The following CFAP20DC variants were observed in gnomAD, a reference collection of about 807,000 sequenced individuals.
CFAP20DC encodes the protein CFAP20 domain containing.
Under a neutral mutation model 101.7 loss-of-function variants are expected in CFAP20DC, and 84 were observed. The observed-to-expected ratio is 0.83, with a 90% CI of 0.69 to 0.99. The LOEUF (loss-of-function observed/expected upper bound fraction) is 0.99, where lower values mean the gene tolerates loss of function less well. CFAP20DC is among the 50% of genes least tolerant of loss of function. CFAP20DC has a pLI of 0.00. For missense variants in CFAP20DC, 1,007 were observed against 970.3 expected (o/e 1.04, Z -0.50); for synonymous variants, 359 against 351.2 (o/e 1.02, Z -0.25).
intron 5 of CFAP20DC, among the ~76,000 whole-genome samples, chr3:58,928,161 A>T (rs571691030): frequency 2.6e-5 from 4 of 152,314 alleles, no homozygotes; most frequent in African/African-American, 9.6e-5. Flanking sequence ...ACTGGAGATG[A>T]TACACTTGTA....
chr3:58,969,908 AGG>A (rs1290079634), intron 4 of CFAP20DC, among the ~76,000 whole-genome samples: 1 of 152,180 alleles, frequency 6.6e-6, no homozygotes, highest in Non-Finnish European at 1.5e-5. Context: ...GGTACTTTTC[AGG>A]GTGATGAAAA....
chr3:58,832,676 G>A (rs2076479773), intron 13 of CFAP20DC, among the ~76,000 whole-genome samples: 1 of 152,124 alleles, frequency 6.6e-6, no homozygotes, highest in African/African-American at 2.4e-5. Context: ...AACCAAGGTG[G>A]ATTTACTGTA....
intron 6 of CFAP20DC, among the ~76,000 whole-genome samples, chr3:58,891,362 C>A (rs2082236453): frequency 6.6e-6 from 1 of 151,206 alleles, no homozygotes; most frequent in Non-Finnish European, 1.5e-5. Context: ...GAGATGGCAG[C>A]AGTACAGTCC....
chr3:58,956,219 G>C (rs1181518282), intron 4 of CFAP20DC, among the ~76,000 whole-genome samples: 1 of 151,822 alleles, frequency 6.6e-6, no homozygotes, highest in African/African-American at 2.4e-5. Flanking sequence ...AGAGCACCAA[G>C]CATGTTCTTG....
intron 4 of CFAP20DC, among the ~76,000 whole-genome samples, chr3:58,942,922 A>G (rs1315974627): frequency 1.3e-5 from 2 of 152,212 alleles, no homozygotes; most frequent in African/African-American, 2.4e-5. Context: ...GGCTCAAGTA[A>G]GCAGTCTTCC....
chr3:58,900,458 A>G (rs2083051761), intron 6 of CFAP20DC, among the ~76,000 whole-genome samples: 1 of 152,220 alleles, frequency 6.6e-6, no homozygotes, highest in Admixed American at 6.5e-5. Flanking sequence ...GATGGCAAAT[A>G]ACAAATCAAT....
At chr3:59,036,957 G>C (rs1363306245) in intron 4 of CFAP20DC, among the ~76,000 whole-genome samples, 1 of 152,130 alleles carries the variant, frequency 6.6e-6, no homozygotes, top group African/African-American at 2.4e-5. Context: ...GAACAGAACA[G>C]AGGCCTCAGA....
At chr3:58,911,966 C>A (rs1328088513) in intron 6 of CFAP20DC, among the ~76,000 whole-genome samples, 1 of 152,098 alleles carries the variant, frequency 6.6e-6, no homozygotes, top group Non-Finnish European at 1.5e-5. Flanking sequence ...ATTCTTGAGC[C>A]TCTCTGAAAC....
intron 6 of CFAP20DC, among the ~76,000 whole-genome samples, chr3:58,908,508 C>T (rs558632179): frequency 2.6e-5 from 4 of 152,224 alleles, no homozygotes; most frequent in Middle Eastern, 3.4e-3. Context: ...CACCAAATGC[C>T]GGTGAGAATG....
chr3:59,013,185 A>G (rs1365156222), intron 4 of CFAP20DC, among the ~76,000 whole-genome samples: 1 of 152,194 alleles, frequency 6.6e-6, no homozygotes, highest in Non-Finnish European at 1.5e-5. Flanking sequence ...GACCACGGCT[A>G]GCTACAAGGG....
chr3:59,023,765 T>TA (rs1161080398), intron 4 of CFAP20DC, among the ~76,000 whole-genome samples: 1 of 152,080 alleles, frequency 6.6e-6, no homozygotes, highest in Non-Finnish European at 1.5e-5. Flanking sequence ...AAACAAATGT[T>TA]AGAGTACCTC....
chr3:58,763,705 G>A (rs2069926343), intron 15 of CFAP20DC, among the ~76,000 whole-genome samples: 1 of 152,194 alleles, frequency 6.6e-6, no homozygotes, highest in East Asian at 1.9e-4. Context: ...GTGATGTACA[G>A]ATGAGGTTTT....
rs373259680 is a variant in CFAP20DC, at chr3:58,760,789, T to C, written c.2238-6926A>G. Among the ~76,000 whole-genome samples the C allele has an allele frequency of 3.3e-5, 5 of 152,240 alleles. No individual in the cohort carries two copies. The East Asian group carries it at 5.8e-4, about 18-fold the overall frequency. ...AAGGACTTTTCTGCATCTATTGAGATAATCATGTGGTTTTTGTCATTGGTT... is the reference window on the plus strand; with the variant it reads ...AAGGACTTTTCTGCATCTATTGAGACAATCATGTGGTTTTTGTCATTGGTT... On this transcript the variant is annotated intron_variant, in intron 15 of 16. Coordinates refer to ENST00000482387, the MANE Select transcript of CFAP20DC (RefSeq NM_001394063.1).
chr3:58,791,775 G>T (rs2072878946), intron 15 of CFAP20DC, among the ~76,000 whole-genome samples: 1 of 152,170 alleles, frequency 6.6e-6, no homozygotes, highest in East Asian at 1.9e-4. Flanking sequence ...TTAAGTGACT[G>T]GGTTGACTGA....
At chr3:58,975,571 C>A (rs2092231086) in intron 4 of CFAP20DC, among the ~76,000 whole-genome samples, 1 of 152,134 alleles carries the variant, frequency 6.6e-6, no homozygotes, top group South Asian at 2.1e-4. Context: ...AATGAAAAGT[C>A]TTTATGTAAA....
chr3:58,951,704 C>T (rs1445364517), intron 4 of CFAP20DC, among the ~76,000 whole-genome samples: 2 of 151,020 alleles, frequency 1.3e-5, no homozygotes, highest in Admixed American at 1.3e-4. Flanking sequence ...GGGAATTGAA[C>T]AATGAGATCA....
In CFAP20DC at chr3:58,759,598, A is replaced by T. The variant is rs2107339116; in HGVS notation, c.2238-5735T>A. Among the ~76,000 whole-genome samples, 2 of 152,316 alleles carry T rather than the reference A, an allele frequency of 1.3e-5. 1 individual carries two copies. Among genetic ancestry groups the T allele is most frequent in the South Asian group, 4.1e-4 (2 of 4,830 alleles). On this transcript the variant is annotated intron_variant, in intron 15 of 16. Transcript: ENST00000482387. ...CACTGATTTTGGTGTTTTAGACATG[A>T]AGTCCTTGCCCATGCCTATGTCCTG...
At chr3:58,980,365 A>G (rs560645735) in intron 4 of CFAP20DC, among the ~76,000 whole-genome samples, 1 of 152,366 alleles carries the variant, frequency 6.6e-6, no homozygotes, top group Admixed American at 6.5e-5. Flanking sequence ...TGAGGCCAGC[A>G]TCATCCTGAT....
chr3:58,742,456 G>C lies in CFAP20DC; in HGVS notation c.*4C>G. 6.3e-7 allele frequency: 1 copy of C among 1,593,716 alleles called. No individual in the cohort carries two copies. The highest frequency in any genetic ancestry group is 8.5e-7 in the Non-Finnish European group (1 of 1,169,790). On this transcript the variant is annotated 3_prime_UTR_variant, in exon 17 of 17. Coordinates refer to ENST00000482387, the MANE Select transcript of CFAP20DC (RefSeq NM_001394063.1). Reference sequence around the variant, plus strand: ...GTGCCTGCTCTCTGCCCCGGAAGGAGGCATTATACCAACTCATAGTATTTC... The same window carrying C: ...GTGCCTGCTCTCTGCCCCGGAAGGACGCATTATACCAACTCATAGTATTTC...
Sources: gnomAD v4.1 joint callset for allele counts (sites outside exome capture counted in the v4.1 genomes callset) on GRCh38, gnomAD v4.1.1 for gene constraint, MANE v1.5 for transcripts, NCBI Gene and HGNC (gene_info 2026-07-23, HGNC 2026-07-21) for gene names.